Variants in CR1L observed in about 807,000 individuals in gnomAD.
CR1L encodes complement C3b/C4b receptor 1 like.
In CR1L, 59 loss-of-function variants were observed where a neutral mutation model predicts 62.3. The observed-to-expected ratio is 0.95, with a 90% confidence interval of 0.77 to 1.18. The LOEUF is 1.18. Ranked by LOEUF, CR1L falls within the 50% of genes most tolerant of loss-of-function variation. The pLI is 0.00. For synonymous variants in CR1L, 279 were observed against 248.7 expected (o/e 1.12, Z -1.15); for missense variants, 700 against 702.8 (o/e 1.00, Z 0.04).
chr1:207,649,927 T>C (rs1663196561), intron 1 of CR1L, among the ~76,000 whole-genome samples: 1 of 152,130 alleles, frequency 6.6e-6, no homozygotes, highest in African/African-American at 2.4e-5. Context: ...TAAGAAATGA[T>C]AGTGGCTTGA....
At chr1:207,716,192 A>G (rs1179674383) in intron 10 of CR1L, among the ~76,000 whole-genome samples, 1 of 152,198 alleles carries the variant, frequency 6.6e-6, no homozygotes, top group Admixed American at 6.5e-5. Flanking sequence ...GAAGAAGACT[A>G]AAAACAATAA....
At chr1:207,669,605 G>A (rs1456802699) in intron 1 of CR1L, 9 of 1,226,744 alleles carry the variant, frequency 7.3e-6, no homozygotes, top group Admixed American at 6.0e-5. Flanking sequence ...CCGGGCTGAC[G>A]AGGCACCCAG....
At chr1:207,648,159 T>A in intron 1 of CR1L, among the ~76,000 whole-genome samples, 1 of 122,444 alleles carries the variant, frequency 8.2e-6, no homozygotes. Context: ...GGTGACAGAG[T>A]GAGACCCGGT....
chr1:207,691,392 G>A (rs929180781), intron 4 of CR1L, among the ~76,000 whole-genome samples: 5 of 151,550 alleles, frequency 3.3e-5, no homozygotes, highest in African/African-American at 1.2e-4. Context: ...AAGCTTGTCT[G>A]TTATAAACAT....
chr1:207,701,084 T>G (rs185982660), intron 8 of CR1L, among the ~76,000 whole-genome samples: 4 of 152,348 alleles, frequency 2.6e-5, no homozygotes, highest in African/African-American at 9.6e-5. Flanking sequence ...CATGAGAATG[T>G]TTCAAGGAAT....
intron 5 of CR1L, among the ~76,000 whole-genome samples, chr1:207,695,378 C>G (rs1024126281): frequency 6.6e-6 from 1 of 152,192 alleles, no homozygotes; most frequent in Non-Finnish European, 1.5e-5. Context: ...AATCCACCCA[C>G]CTGGGCCTCC....
chr1:207,716,302 AGTGT>A (rs1653997336), intron 10 of CR1L, among the ~76,000 whole-genome samples: 1 of 306 alleles, frequency 3.3e-3, no homozygotes, highest in Admixed American at 0.056. Flanking sequence ...AAATTAGTAC[AGTGT>A]ACAGTGGAAG....
chr1:207,713,568 G>A (rs1197772721), intron 10 of CR1L, among the ~76,000 whole-genome samples: 1 of 152,238 alleles, frequency 6.6e-6, no homozygotes, highest in Non-Finnish European at 1.5e-5. Flanking sequence ...GTGCTCTGAT[G>A]CAGAGCCCAT....
At chr1:207,710,819 G>A in intron 10 of CR1L, 2 of 1,499,518 alleles carry the variant, frequency 1.3e-6, no homozygotes, top group Admixed American at 1.7e-5. Flanking sequence ...GGCCCTGCAA[G>A]TGACATGCAT....
At chr1:207,673,386 C>G (rs772509626) in intron 1 of CR1L, among the ~76,000 whole-genome samples, 1 of 152,110 alleles carries the variant, frequency 6.6e-6, no homozygotes, top group African/African-American at 2.4e-5. Flanking sequence ...TTTAAGCTGA[C>G]AGACATGCCT....
intron 9 of CR1L, among the ~76,000 whole-genome samples, chr1:207,704,044 CA>C (rs1664234141): frequency 6.6e-6 from 1 of 152,172 alleles, no homozygotes; most frequent in Non-Finnish European, 1.5e-5. Context: ...TGGATCTGAA[CA>C]AAGTAAGTTG....
At chr1:207,695,564 A>T (rs1664065611) in intron 5 of CR1L, among the ~76,000 whole-genome samples, 1 of 152,212 alleles carries the variant, frequency 6.6e-6, no homozygotes, top group Non-Finnish European at 1.5e-5. Context: ...TCCAGTCAGG[A>T]AATCAAAACT....
At chr1:207,698,119 A>G (rs1229619200) in intron 7 of CR1L, among the ~76,000 whole-genome samples, 1 of 152,212 alleles carries the variant, frequency 6.6e-6, no homozygotes, top group Non-Finnish European at 1.5e-5. Flanking sequence ...AAAGACAAGT[A>G]TAATTACTTG....
intron 10 of CR1L, among the ~76,000 whole-genome samples, chr1:207,712,359 A>G (rs1333904060): frequency 6.6e-6 from 1 of 152,238 alleles, no homozygotes. Flanking sequence ...CTAGGAGAAA[A>G]TACTTCATGC....
intron 1 of CR1L, among the ~76,000 whole-genome samples, chr1:207,674,862 G>GTTT (rs67725956): frequency 6.7e-6 from 1 of 149,402 alleles, no homozygotes; most frequent in African/African-American, 2.5e-5. Context: ...TGTTTTATTC[G>GTTT]TGTTTTTTTT....
chr1:207,693,232 C>A (rs1664023326), intron 4 of CR1L, among the ~76,000 whole-genome samples: 1 of 152,200 alleles, frequency 6.6e-6, no homozygotes, highest in African/African-American at 2.4e-5. Context: ...ATCTTCCCAC[C>A]TCAGCCACCT....
chr1:207,695,187 G>C (rs542605682), intron 5 of CR1L, among the ~76,000 whole-genome samples: 7 of 152,298 alleles, frequency 4.6e-5, no homozygotes, highest in African/African-American at 1.4e-4. Context: ...CTGCAGAGGT[G>C]AGATCATGGC....
intron 1 of CR1L, chr1:207,655,382 G>T: frequency 1.2e-5 from 4 of 346,136 alleles, no homozygotes; most frequent in South Asian, 4.0e-5. Flanking sequence ...ATCCCAAAGA[G>T]GTTTCTTTTA....
chr1:207,681,748 G>A (rs1663802345), intron 3 of CR1L, among the ~76,000 whole-genome samples: 2 of 152,144 alleles, frequency 1.3e-5, no homozygotes, highest in African/African-American at 4.8e-5. Flanking sequence ...CCTCAGTGGG[G>A]TCAAAAGCCA....
Sources: gnomAD v4.1 joint callset for allele counts (sites outside exome capture counted in the v4.1 genomes callset) on GRCh38, gnomAD v4.1.1 for gene constraint, MANE v1.5 for transcripts, NCBI Gene and HGNC (gene_info 2026-07-23, HGNC 2026-07-21) for gene names.